Variants in CYP3A4 observed in about 807,000 individuals in gnomAD.
CYP3A4 encodes the protein cytochrome P450 3A4.
Under a neutral mutation model 54.9 loss-of-function variants are expected in CYP3A4, and 41 were observed. The ratio of observed to expected loss-of-function variants is 0.75; its 90% CI spans 0.58 to 0.97. The LOEUF is 0.97. Ranked by LOEUF, CYP3A4 falls within the 50% of genes least tolerant of loss-of-function variation. CYP3A4 has a pLI of 0.00. For missense variants in CYP3A4, 510 were observed against 597.3 expected, an observed-to-expected ratio of 0.85 and a Z score of 1.52; for synonymous variants, 179 against 205.2, an observed-to-expected ratio of 0.87 and a Z score of 1.09.
At chr7:99,783,590 A>C (rs558770164) in intron 1 of CYP3A4, among the ~76,000 whole-genome samples, 5 of 148,372 alleles carry the variant, frequency 3.4e-5, no homozygotes, top group Admixed American at 2.0e-4. Flanking sequence ...CACTTAAGCT[A>C]CTGCTCCTTG....
At position 99,769,860 on chromosome 7, in the gene CYP3A4, A is replaced by C. The variant is rs749476253; in HGVS notation, c.433-4T>G. The C allele has an allele frequency of 1.9e-6, 3 of 1,613,904 alleles. No individual in the cohort carries two copies. Among genetic ancestry groups the C allele is most frequent in the Non-Finnish European group, 2.5e-6 (3 of 1,179,902 alleles). On this transcript the variant is annotated splice_region_variant and splice_polypyrimidine_tract_variant and intron_variant, in intron 5 of 12. Transcript: ENST00000651514. Reference sequence around the variant, plus strand: ...ACTGGGCAATGATAGGGACCATCTAAGCACAAAACACAACACCACCCATAG... The same window carrying C: ...ACTGGGCAATGATAGGGACCATCTACGCACAAAACACAACACCACCCATAG...
chr7:99,766,970 T>C, intron 8 of CYP3A4, 161 bp downstream of exon 8: 1 of 605,156 alleles, frequency 1.7e-6, no homozygotes, highest in Non-Finnish European at 2.7e-6. Flanking sequence ...AACCCCACTT[T>C]CTGCATTTCT....
chr7:99,780,446 A>G (rs1815891061), intron 1 of CYP3A4, among the ~76,000 whole-genome samples: 1 of 152,096 alleles, frequency 6.6e-6, no homozygotes, highest in Non-Finnish European at 1.5e-5. Flanking sequence ...GCCTCTCCCC[A>G]AATTTGGGGA....
chr7:99,770,096 T>A (rs1584544994), intron 5 of CYP3A4, 26 bp downstream of exon 5: 1 of 1,594,642 alleles, frequency 6.3e-7, no homozygotes, highest in Non-Finnish European at 8.6e-7. Flanking sequence ...TTAAGTTTCT[T>A]ATTAAAACTC....
At chr7:99,777,610 C>CA (rs1815805007) in intron 3 of CYP3A4, among the ~76,000 whole-genome samples, 2 of 151,874 alleles carry the variant, frequency 1.3e-5, no homozygotes, top group South Asian at 4.2e-4. Flanking sequence ...AAAGACTCCG[C>CA]AAAACTACAA....
chr7:99,764,101 T>G, intron 9 of CYP3A4, 86 bp from the exon 10 acceptor site: 1 of 1,588,336 alleles, frequency 6.3e-7, no homozygotes, highest in South Asian at 1.1e-5. Context: ...AGTGAAGCCC[T>G]CAAATCCCTA....
chr7:99,766,991 T>G, intron 8 of CYP3A4, 140 bp downstream of exon 8: 1 of 718,014 alleles, frequency 1.4e-6, no homozygotes, highest in Non-Finnish European at 2.2e-6. Context: ...ACCAAATGAA[T>G]TCTCTTGCTC....
At chr7:99,760,227 T>C (rs537720387) in intron 12 of CYP3A4, among the ~76,000 whole-genome samples, 54 of 152,348 alleles carry the variant, frequency 3.5e-4, no homozygotes, top group African/African-American at 1.3e-3. Context: ...CAGGATGGCC[T>C]TGGACTGTGG....
At chr7:99,778,555 A>T (rs1815832010) in intron 2 of CYP3A4, among the ~76,000 whole-genome samples, 1 of 152,228 alleles carries the variant, frequency 6.6e-6, no homozygotes, top group Non-Finnish European at 1.5e-5. Flanking sequence ...AGTTACAGAC[A>T]CCAGGGAACT....
chr7:99,769,630 A>T (rs1001910502), intron 6 of CYP3A4, 138 bp downstream of exon 6: 1 of 753,256 alleles, frequency 1.3e-6, no homozygotes, highest in African/African-American at 1.7e-5. Context: ...ATCTTGGGAG[A>T]CCCATTGAAG....
chr7:99,760,307 T>C (rs1460004283), intron 12 of CYP3A4, among the ~76,000 whole-genome samples: 2 of 152,170 alleles, frequency 1.3e-5, no homozygotes, highest in Admixed American at 6.5e-5. Flanking sequence ...TGAGAAGCAA[T>C]GGGGAAGCTT....
rs1389985513 is a variant in CYP3A4, at chr7:99,761,058, T to C, written c.1254-77A>G. The C allele has an allele frequency of 1.5e-5, 23 of 1,509,954 alleles. No homozygotes were observed. In the East Asian group the frequency reaches 5.2e-4, roughly 34 times the overall value. The allele number at this position is 1,509,954 out of a possible 1,614,324, so 93.5% of individuals were successfully genotyped here. A position where few individuals can be genotyped will look rare whatever the true frequency, so the allele number is the denominator to read the frequency against. On this transcript the variant is annotated intron_variant, in intron 11 of 12. Transcript: ENST00000651514. ...GAGTTACATGTTAGGGTTTCTTACTTAGGGGCCACCCCTCAACTAGTAGTA... is the reference window on the plus strand; with the variant it reads ...GAGTTACATGTTAGGGTTTCTTACTCAGGGGCCACCCCTCAACTAGTAGTA...
chr7:99,770,208 T>A lies in CYP3A4; in HGVS notation c.346A>T (p.Ser116Cys), dbSNP rs1563042648. The A allele has an allele frequency of 1.9e-6, 3 of 1,613,558 alleles. No homozygotes were observed. In the African/African-American group the frequency reaches 4.0e-5, roughly 22 times the overall value. The change falls in exon 5 of 13, where the codon AGT becomes TGT. Residue 116 changes from serine to cysteine, a missense_variant. Around this residue, in one of 2 missense-constraint regions of CYP3A4, gnomAD observed 272 missense variants for 274.9 expected, o/e 0.99. Coordinates refer to ENST00000651514, the MANE Select transcript of CYP3A4 (RefSeq NM_017460.6). Reference sequence around the variant, plus strand: ...TCATCCTCAGCTATAGAGATGGCACTTTTCATAAATCCCACTGGACCAAAA... The same window carrying A: ...TCATCCTCAGCTATAGAGATGGCACATTTCATAAATCCCACTGGACCAAAA... ...RPFGPVGFMK[S>C]AISIAEDEEW...
chr7:99,765,109 C>A (rs1049569243), intron 9 of CYP3A4, among the ~76,000 whole-genome samples: 8 of 152,188 alleles, frequency 5.3e-5, no homozygotes, highest in Non-Finnish European at 1.2e-4. Flanking sequence ...ACTACCTAAT[C>A]ATAGTATTCA....
intron 4 of CYP3A4, among the ~76,000 whole-genome samples, chr7:99,770,838 C>G (rs574892588): frequency 1.3e-5 from 2 of 151,928 alleles, no homozygotes; most frequent in Non-Finnish European, 2.9e-5. Context: ...TTATTTTTGC[C>G]AACTTGGAAC....
chr7:99,774,763 TC>T (rs1400343521), intron 3 of CYP3A4, among the ~76,000 whole-genome samples: 1 of 152,108 alleles, frequency 6.6e-6, no homozygotes, highest in East Asian at 1.9e-4. Context: ...CTAGAAGCAT[TC>T]CCTTTGAAAA....
Position 99,766,460 on chromosome 7 carries a change from A to G in CYP3A4, c.799-17T>C. ...CACTCGGTGCTAGAAGCAAAAAGAG[A>G]AATTTCACTGACAGAAAGTGGCTCC... On this transcript the variant is annotated splice_polypyrimidine_tract_variant and intron_variant, in intron 8 of 12. Coordinates refer to ENST00000651514, the MANE Select transcript of CYP3A4 (RefSeq NM_017460.6). The G allele has an allele frequency of 2.5e-6, 4 of 1,613,540 alleles. No individual in the cohort carries two copies. The highest frequency in any genetic ancestry group is 3.4e-6 in the Non-Finnish European group (4 of 1,179,590).
At chr7:99,760,221 A>G (rs1448341125) in intron 12 of CYP3A4, among the ~76,000 whole-genome samples, 1 of 152,168 alleles carries the variant, frequency 6.6e-6, no homozygotes, top group African/African-American at 2.4e-5. Flanking sequence ...GTCAGTCAGG[A>G]TGGCCTTGGA....
Position 99,758,066 on chromosome 7 carries a change from A to G in CYP3A4, c.*67T>C. ...ATTTCAGAGTTCTATTCACAAAGTA[A>G]TTTGAGGTCTCTGGTGTTCTCAGGC... On this transcript the variant is annotated 3_prime_UTR_variant, in exon 13 of 13. Transcript: ENST00000651514. The G allele has an allele frequency of 1.6e-6, 2 of 1,285,714 alleles. No individual in the cohort carries two copies. The highest frequency in any genetic ancestry group is 2.3e-5 in the East Asian group (1 of 43,236). 79.6% of individuals were successfully genotyped at this position (1,285,714 alleles called of 1,614,324 possible).
Sources: allele counts gnomAD v4.1 joint callset (sites outside exome capture counted in the v4.1 genomes callset), GRCh38; gene constraint gnomAD v4.1.1; regional missense constraint gnomAD v4.1.1; transcripts MANE v1.5; gene names NCBI Gene and HGNC (gene_info 2026-07-23, HGNC 2026-07-21).